PDE10A: variants seen among roughly 807,000 people sequenced by gnomAD.
PDE10A encodes phosphodiesterase 10A, also known as cAMP and cAMP-inhibited cGMP 3',5'-cyclic phosphodiesterase 10A.
PDE10A carries 39 observed loss-of-function variants against 97.7 expected under a neutral mutation model. That is an observed-to-expected ratio of 0.40 (90% CI 0.31 to 0.52). The LOEUF is 0.52. PDE10A is among the 20% of genes least tolerant of loss of function. The pLI, the probability that PDE10A is intolerant of heterozygous loss-of-function variation, is 0.56. For synonymous variants in PDE10A, 371 were observed against 376.8 expected (o/e 0.98, Z 0.18); for missense variants, 731 against 1,047.8 (o/e 0.70, Z 4.17).
intron 3 of PDE10A, among the ~76,000 whole-genome samples, chr6:165,455,379 T>C (rs1777893811): frequency 6.6e-6 from 1 of 151,950 alleles, no homozygotes; most frequent in Non-Finnish European, 1.5e-5. Flanking sequence ...ACAGACATAC[T>C]CAGCAGCAGA....
intron 1 of PDE10A, among the ~76,000 whole-genome samples, chr6:165,893,994 C>G (rs1283267008): frequency 6.6e-6 from 1 of 152,070 alleles, no homozygotes; most frequent in East Asian, 1.9e-4. Context: ...TGGTGCAGAC[C>G]AAGTGATGTG....
chr6:165,624,749 C>A (rs183770664), intron 1 of PDE10A, among the ~76,000 whole-genome samples: 3 of 152,290 alleles, frequency 2.0e-5, no homozygotes, highest in African/African-American at 7.2e-5. Context: ...CAGGTTCTTG[C>A]CTTCAACATG....
At chr6:165,401,819 T>G (rs2128221058) in intron 13 of PDE10A, among the ~76,000 whole-genome samples, 1 of 152,288 alleles carries the variant, frequency 6.6e-6, no homozygotes, top group African/African-American at 2.4e-5. Flanking sequence ...CAATAAAAAA[T>G]TATTTAATAT....
intron 5 of PDE10A, among the ~76,000 whole-genome samples, chr6:165,443,933 T>G (rs1208141284): frequency 6.6e-6 from 1 of 152,224 alleles, no homozygotes; most frequent in Admixed American, 6.5e-5. Context: ...TCTTGGTGAT[T>G]AATATTCGGC....
intron 2 of PDE10A, among the ~76,000 whole-genome samples, chr6:165,524,886 A>T (rs1460597868): frequency 1.3e-5 from 2 of 152,108 alleles, no homozygotes; most frequent in African/African-American, 4.8e-5. Flanking sequence ...CAAGTTTGTA[A>T]ACTCTGAGGA....
In PDE10A at chr6:165,662,434, A is replaced by AGGGGGCGGGGGGGGCGGCGGCC. The variant is rs1790328982; in HGVS notation, c.356_377dup (p.Pro127AlafsTer61). ...CAGATGAGGAGGGGAGAAAAGAGGG[A>AGGGGGCGGGGGGGGCGGCGGCC]GGGGGCGGGGGGGGCGGCGGCCAGA... On this transcript the variant is annotated frameshift_variant, in exon 1 of 22. Transcript: ENST00000539869. LOFTEE classifies it high-confidence loss of function. The AGGGGGCGGGGGGGGCGGCGGCC allele has an allele frequency of 1.6e-5, 2 of 127,568 alleles. No individual in the cohort carries two copies. Among genetic ancestry groups the AGGGGGCGGGGGGGGCGGCGGCC allele is most frequent in the African/African-American group, 5.9e-5 (2 of 34,188 alleles). The allele number at this position is 127,568 out of a possible 1,614,324, so 7.9% of individuals were successfully genotyped here. A position where few individuals can be genotyped will look rare whatever the true frequency, so the allele number is the denominator to read the frequency against.
intron 10 of PDE10A, among the ~76,000 whole-genome samples, chr6:165,425,306 A>C (rs10485105): frequency 0.025 from 3,746 of 152,280 alleles, 177 homozygotes; most frequent in African/African-American, 0.086. Flanking sequence ...CAAGTTTTCT[A>C]TAAATTTAGG....
chr6:165,629,570 GGCTGGAGT>G (rs1443228439), intron 1 of PDE10A, among the ~76,000 whole-genome samples: 4 of 148,288 alleles, frequency 2.7e-5, no homozygotes, highest in African/African-American at 5.0e-5. Context: ...TTGTCACCCA[GGCTGGAGT>G]GCAGGAGTGC....
chr6:165,778,534 G>C (rs1778257276), intron 1 of PDE10A, among the ~76,000 whole-genome samples: 1 of 152,140 alleles, frequency 6.6e-6, no homozygotes, highest in Admixed American at 6.5e-5. Context: ...AGTTCCTGGT[G>C]CCCAGATGCA....
chr6:165,793,262 C>CT (rs890928262), intron 1 of PDE10A, among the ~76,000 whole-genome samples: 2 of 151,914 alleles, frequency 1.3e-5, no homozygotes, highest in Non-Finnish European at 2.9e-5. Context: ...TTTTATTTTT[C>CT]TTTTTTGTAT....
At chr6:165,665,323 C>T (rs578205089), upstream of PDE10A, among the ~76,000 whole-genome samples, 2 of 152,250 alleles carry the variant, frequency 1.3e-5, no homozygotes, top group South Asian at 4.1e-4. Flanking sequence ...CTGTCACTCA[C>T]CCGTGCTCAG....
intron 1 of PDE10A, among the ~76,000 whole-genome samples, chr6:165,580,371 G>A (rs1785545351): frequency 6.6e-6 from 1 of 152,152 alleles, no homozygotes; most frequent in African/African-American, 2.4e-5. Context: ...TGCAAGAAGG[G>A]CATGGGACTA....
chr6:165,358,506 C>T (rs1783179642), intron 18 of PDE10A, among the ~76,000 whole-genome samples: 1 of 116,180 alleles, frequency 8.6e-6, no homozygotes, highest in African/African-American at 3.7e-5. Flanking sequence ...AATATAGGTA[C>T]ACCAGTTTTT....
chr6:165,764,126 C>T (rs1050395611), intron 1 of PDE10A, among the ~76,000 whole-genome samples: 4 of 152,198 alleles, frequency 2.6e-5, no homozygotes, highest in Admixed American at 2.0e-4. Flanking sequence ...CTCCTGGTAA[C>T]AGCAATGCAG....
Position 165,859,622 on chromosome 6 carries a change from G to GA in PDE10A, c.-615+127906_-615+127907insT, listed in dbSNP as rs1200256056. Among the ~76,000 whole-genome samples, 4 of 152,276 alleles carry GA rather than the reference G, an allele frequency of 2.6e-5. No homozygotes were observed. The East Asian group carries it at 7.7e-4, about 29-fold the overall frequency. On this transcript the variant is annotated intron_variant, in intron 1 of 19. Transcript: ENST00000366882. ...GGAGCTGCCACATGTTCAGCTACCT[G>GA]GAAGCTCTCCAAATCCAATCCTTTT...
intron 1 of PDE10A, among the ~76,000 whole-genome samples, chr6:165,921,428 G>A (rs995325264): frequency 3.3e-5 from 5 of 152,234 alleles, no homozygotes; most frequent in African/African-American, 1.2e-4. Flanking sequence ...CTTTCTAGAG[G>A]CTGAGAGTAA....
At chr6:165,598,815 C>T (rs1459330596) in intron 1 of PDE10A, among the ~76,000 whole-genome samples, 1 of 152,192 alleles carries the variant, frequency 6.6e-6, no homozygotes, top group East Asian at 1.9e-4. Context: ...TAGCCCAGCA[C>T]TGGGACCTAG....
chr6:165,769,556 A>G (rs1163507790), intron 1 of PDE10A, among the ~76,000 whole-genome samples: 2 of 152,222 alleles, frequency 1.3e-5, no homozygotes, highest in East Asian at 3.8e-4. Context: ...TTCTGGCTGC[A>G]CACATCCTAC....
chr6:165,932,740 G>C (rs1783177420), intron 1 of PDE10A, among the ~76,000 whole-genome samples: 1 of 152,248 alleles, frequency 6.6e-6, no homozygotes, highest in Non-Finnish European at 1.5e-5. Flanking sequence ...CCAAAGTGCT[G>C]GGATTACAGG....
Sources: gnomAD v4.1 joint callset for allele counts (sites outside exome capture counted in the v4.1 genomes callset) on GRCh38, gnomAD v4.1.1 for gene constraint, MANE v1.5 for transcripts, NCBI Gene and HGNC (gene_info 2026-07-23, HGNC 2026-07-21) for gene names.